PRPH2: variants seen among roughly 807,000 people sequenced by gnomAD.
PRPH2 encodes the protein peripherin-2.
Under a neutral mutation model 31.3 loss-of-function variants are expected in PRPH2, and 17 were observed. The ratio of observed to expected loss-of-function variants is 0.54; its 90% CI spans 0.37 to 0.81. PRPH2 has a LOEUF of 0.81. Ranked by LOEUF, PRPH2 falls within the 40% of genes least tolerant of loss-of-function variation. The pLI is 0.00. For synonymous variants in PRPH2, 165 were observed against 184.4 expected (o/e 0.89, Z 0.85); for missense variants, 430 against 439.7 (o/e 0.98, Z 0.20).
chr6:42,709,966 G>A (rs116007757), intron 1 of PRPH2, among the ~76,000 whole-genome samples: 35 of 152,322 alleles, frequency 2.3e-4, no homozygotes, highest in African/African-American at 7.7e-4. Flanking sequence ...TGTGATGTGA[G>A]GGTCAGGCCT....
At chr6:42,705,623 T>TATATATATATAC (rs1800148802) in intron 1 of PRPH2, among the ~76,000 whole-genome samples, 1 of 125,180 alleles carries the variant, frequency 8.0e-6, no homozygotes, top group South Asian at 2.6e-4. Flanking sequence ...TATATATATA[T>TATATATATATAC]ATATATATTT....
Position 42,713,885 on chromosome 6 carries a change from A to C in PRPH2, c.581+7869T>G, listed in dbSNP as rs997501376. On this transcript the variant is annotated intron_variant, in intron 1 of 2. Transcript: ENST00000230381. ...CAGTGAGCCAAGATCACACCACTAC[A>C]CTCCAGCCTGGGTGACTGAGCAAGA... 2.3e-5 allele frequency among the ~76,000 whole-genome samples: 3 copies of C among 130,370 alleles called. No individual in the cohort carries two copies. In the South Asian group the frequency reaches 8.0e-4, roughly 35 times the overall value. The allele number at this position is 130,370 out of a possible 152,430, so 85.5% of individuals were successfully genotyped here.
At position 42,704,367 on chromosome 6, in the gene PRPH2, C is replaced by T. The variant is rs751900290; in HGVS notation, c.826G>A (p.Glu276Lys). ...CCCCCAGCTGGCCCAGGGCCTACCTCGAAGAGCCAAATGAGGAGCGTGACG... is the reference window on the plus strand; with the variant it reads ...CCCCCAGCTGGCCCAGGGCCTACCTTGAAGAGCCAAATGAGGAGCGTGACG... Reference protein sequence around the residue: ...GVVTLLIWLFEVTITIGLRYL... With the variant: ...GVVTLLIWLFKVTITIGLRYL... The change falls in exon 2 of 3, where the codon GAG (glutamate) becomes AAG (lysine). Residue 276 changes from glutamate to lysine, a missense_variant and splice_region_variant. Physicochemically the swap from Glu to Lys is moderately conservative, Grantham distance 56 (BLOSUM62 1). Transcript: ENST00000230381. 1.9e-6 allele frequency: 3 copies of T among 1,607,684 alleles called. No homozygotes were observed. The highest frequency in any genetic ancestry group is 3.4e-5 in the Admixed American group (2 of 59,002).
chr6:42,706,140 T>C (rs1303753602), intron 1 of PRPH2, among the ~76,000 whole-genome samples: 1 of 151,508 alleles, frequency 6.6e-6, no homozygotes, highest in Non-Finnish European at 1.5e-5. Flanking sequence ...GCACGGTGGC[T>C]CAAGCCTGTA....
In PRPH2 at chr6:42,698,756, C is replaced by T. The variant is rs117690213; in HGVS notation, c.829-249G>A. Among the ~76,000 whole-genome samples the T allele has an allele frequency of 2.4e-4, 36 of 152,214 alleles. No homozygotes were observed. The East Asian group carries it at 6.2e-3, about 26-fold the overall frequency. ...CAGCCATCCTGGGCTGCTTCGGATT[C>T]GCCCATGCCCCCTACTTTCTCCCCT... On this transcript the variant is annotated intron_variant, in intron 2 of 2. Coordinates refer to ENST00000230381, the MANE Select transcript of PRPH2 (RefSeq NM_000322.5).
Position 42,698,356 on chromosome 6 carries a change from C to A in PRPH2, c.980G>T (p.Gly327Val). 1 of 1,613,892 alleles carries A rather than the reference C, an allele frequency of 6.2e-7. No individual in the cohort carries two copies. The highest frequency in any genetic ancestry group is 1.1e-5 in the South Asian group (1 of 91,080). The change falls in exon 3 of 3, where the codon GGC (glycine) becomes GTC (valine). Residue 327 changes from glycine to valine, a missense_variant. Gly to Val is a moderately radical substitution (Grantham distance 109). Coordinates refer to ENST00000230381, the MANE Select transcript of PRPH2 (RefSeq NM_000322.5). ...CTCGGCTTCCACCTGGTTGCCCTTG[C>A]CCAGCTTCTTCACACTCTCCAGAAA... ...KAFLESVKKLGKGNQVEAEGA... is the reference protein window; with the variant it reads ...KAFLESVKKLVKGNQVEAEGA...
intron 1 of PRPH2, among the ~76,000 whole-genome samples, chr6:42,716,326 G>A (rs1008790591): frequency 1.3e-5 from 2 of 152,056 alleles, no homozygotes; most frequent in African/African-American, 4.8e-5. Flanking sequence ...TCTGGAGGCT[G>A]AGGTGGGATG....
rs62645936 is a variant in PRPH2, at chr6:42,704,391, C to T, written c.802G>A (p.Val268Ile). ...TCGAAGAGCCAAATGAGGAGCGTGA[C>T]GACACCCATGGAGTTCATGAGGCTG... ...YSSLMNSMGV[V>I]TLLIWLFEVT... The change falls in exon 2 of 3, where the codon GTC becomes ATC. Residue 268 changes from valine to isoleucine, a missense_variant. Transcript: ENST00000230381. 7.5e-6 allele frequency: 12 copies of T among 1,609,548 alleles called. No individual in the cohort carries two copies. Among genetic ancestry groups the T allele is most frequent in the Non-Finnish European group, 9.3e-6 (11 of 1,178,052 alleles).
Position 42,722,387 on chromosome 6 carries a change from C to A in PRPH2, c.-53G>T. On this transcript the variant is annotated 5_prime_UTR_variant, in exon 1 of 3. Coordinates refer to ENST00000230381, the MANE Select transcript of PRPH2 (RefSeq NM_000322.5). The surrounding 1 kb of genome is among the most constrained non-coding windows in gnomAD (Gnocchi z 4.4). ...CCCACAGCACAGCTCCCACCCCAAA[C>A]CTTAACGAGCCCAGAGGCGGAGACT... 6.2e-7 allele frequency: 1 copy of A among 1,606,866 alleles called. No homozygotes were observed. The highest frequency in any genetic ancestry group is 1.1e-5 in the South Asian group (1 of 90,578).
chr6:42,722,003 A>G lies in PRPH2; in HGVS notation c.332T>C (p.Ile111Thr). The G allele has an allele frequency of 1.2e-6, 2 of 1,614,078 alleles. No homozygotes were observed. ...YLAICVLFNI[I>T]LFLVALCCFL... ...GCAGCAGAGAGCCACAAGGAAGAGG[A>G]TGATGTTGAAGAGAACACAGATAGC... The change falls in exon 1 of 3, where the codon ATC becomes ACC. Residue 111 changes from isoleucine to threonine, a missense_variant. By Grantham distance (89) the Ile-to-Thr change is moderately conservative (BLOSUM62 -1). Coordinates refer to ENST00000230381, the MANE Select transcript of PRPH2 (RefSeq NM_000322.5). This position sits in a 1 kb window ranked among gnomAD's most constrained non-coding sequence, Gnocchi z 4.4.
chr6:42,711,715 C>A, intron 1 of PRPH2: 1 of 967,760 alleles, frequency 1.0e-6, no homozygotes, highest in South Asian at 4.8e-5. Context: ...CTAATCTTCT[C>A]CTTGAGATGT....
intron 1 of PRPH2, among the ~76,000 whole-genome samples, chr6:42,720,096 A>C (rs1761871097): frequency 6.6e-6 from 1 of 152,104 alleles, no homozygotes; most frequent in African/African-American, 2.4e-5. Context: ...TTTCCCACCA[A>C]CAAGTTGGTA....
chr6:42,698,363 T>G lies in PRPH2; in HGVS notation c.973A>C (p.Lys325Gln), dbSNP rs780477133. 6.2e-7 allele frequency: 1 copy of G among 1,613,890 alleles called. No individual in the cohort carries two copies. The highest frequency in any genetic ancestry group is 8.5e-7 in the Non-Finnish European group (1 of 1,179,810). ...TWKAFLESVK[K>Q]LGKGNQVEAE... ...TCCACCTGGTTGCCCTTGCCCAGCT[T>G]CTTCACACTCTCCAGAAAGGCCTTC... Residue 325 changes from lysine to glutamine, a missense_variant, in exon 3 of 3, where the codon AAG becomes CAG. By Grantham distance (53) the Lys-to-Gln change is moderately conservative. Coordinates refer to ENST00000230381, the MANE Select transcript of PRPH2 (RefSeq NM_000322.5).
intron 1 of PRPH2, among the ~76,000 whole-genome samples, chr6:42,711,387 C>T (rs1419894135): frequency 1.3e-5 from 2 of 152,212 alleles, no homozygotes; most frequent in Non-Finnish European, 2.9e-5. Context: ...AGGTACTAGA[C>T]GGTGAGGGGT....
chr6:42,706,047 G>A (rs1800157955), intron 1 of PRPH2, among the ~76,000 whole-genome samples: 1 of 151,878 alleles, frequency 6.6e-6, no homozygotes, highest in African/African-American at 2.4e-5. Context: ...CAGGTGGGCA[G>A]ACGACCTGAG....
At chr6:42,710,838 C>G (rs75455762) in intron 1 of PRPH2, among the ~76,000 whole-genome samples, 72 of 152,284 alleles carry the variant, frequency 4.7e-4, no homozygotes, top group African/African-American at 1.6e-3. Flanking sequence ...AGGGGTATAC[C>G]TGACAGTGGG....
intron 2 of PRPH2, among the ~76,000 whole-genome samples, chr6:42,699,409 ATAAT>A (rs1800010387): frequency 6.6e-6 from 1 of 152,070 alleles, no homozygotes; most frequent in South Asian, 2.1e-4. Flanking sequence ...CTGGTAAAAA[ATAAT>A]TTGGATTTGT....
rs1267248603 is a variant in PRPH2 at position 42,722,257 on chromosome 6, G to T, written c.78C>A (p.Phe26Leu). 6.2e-7 allele frequency: 1 copy of T among 1,614,046 alleles called. No homozygotes were observed. The highest frequency in any genetic ancestry group is 8.5e-7 in the Non-Finnish European group (1 of 1,180,052). Residue 26 changes from phenylalanine to leucine, a missense_variant, in exon 1 of 3, where the codon TTC becomes TTA. Phe to Leu is a conservative substitution (Grantham distance 22, BLOSUM62 0). Transcript: ENST00000230381. The surrounding 1 kb of genome is among the most constrained non-coding windows in gnomAD (Gnocchi z 4.4). ...AGATGATGATGCCAGCCAACACGGA[G>T]AACCAGTTCATGAGCCAGAGCCCTT... ...LAQGLWLMNW[F>L]SVLAGIIIFS...
chr6:42,698,478 T>A lies in PRPH2; in HGVS notation c.858A>T (p.Leu286=). ...EVTITIGLRY[L]QTSLDGVSNP... is the part of the protein sequence containing the mutation. ...TGGACACACCATCCAGCGACGTCTG[T>A]AGGTAGCGCAGCCCAATTGTAATGG... Residue 286 remains leucine, a synonymous_variant, in exon 3 of 3, where the codon CTA becomes CTT. Transcript: ENST00000230381. 6.2e-7 allele frequency: 1 copy of A among 1,614,124 alleles called. No individual in the cohort carries two copies. Among genetic ancestry groups the A allele is most frequent in the Non-Finnish European group, 8.5e-7 (1 of 1,180,016 alleles).
Sources: gnomAD v4.1 joint callset for allele counts (sites outside exome capture counted in the v4.1 genomes callset) on GRCh38, gnomAD v4.1.1 for gene constraint, Gnocchi (gnomAD v3.1) non-coding constraint, MANE v1.5 for transcripts, NCBI Gene and HGNC (gene_info 2026-07-23, HGNC 2026-07-21) for gene names.